Variants in REXO1 observed in about 807,000 individuals in gnomAD.
The protein encoded by REXO1 is RNA exonuclease 1 homolog.
In REXO1, 42 loss-of-function variants were observed where a neutral mutation model predicts 102.6. The observed-to-expected ratio is 0.41, with a 90% CI of 0.32 to 0.53. The LOEUF is 0.53. REXO1 is among the 20% of genes least tolerant of loss of function. The pLI is 0.27. For missense variants in REXO1, 1,819 were observed against 1,732.5 expected (o/e 1.05, Z -0.89); for synonymous variants, 908 against 779.1 (o/e 1.17, Z -2.76).
At chr19:1,845,854 T>A (rs2011513270) in intron 1 of REXO1, among the ~76,000 whole-genome samples, 1 of 152,146 alleles carries the variant, frequency 6.6e-6, no homozygotes, top group South Asian at 2.1e-4. Context: ...CTGCCTGCCT[T>A]GGTGCCCTCA....
At chr19:1,841,725 G>A (rs1231400696) in intron 1 of REXO1, among the ~76,000 whole-genome samples, 10 of 151,662 alleles carry the variant, frequency 6.6e-5, no homozygotes, top group African/African-American at 1.5e-4. Flanking sequence ...TGGGGGGAGC[G>A]CTCTGGGGAG....
Position 1,818,761 on chromosome 19 carries a change from T to C in REXO1, c.2847A>G (p.Pro949=), listed in dbSNP as rs1219623287. Residue 949 remains proline, a synonymous_variant, in exon 9 of 16, where the codon CCA becomes CCG. Transcript: ENST00000170168. ...AGATGATTGCGCCCCCGGGCCGCTC[T>C]GGGTGCGGGAAGGGGTAGCCGTTCT... The part of the protein sequence containing the change: ...LKENGYPFPH[P]ERPGGAIIFT... The C allele has an allele frequency of 6.2e-7, 1 of 1,610,694 alleles. No homozygotes were observed. Among genetic ancestry groups the C allele is most frequent in the Admixed American group, 1.7e-5 (1 of 60,024 alleles).
At chr19:1,830,096 G>C (rs986228252) in intron 1 of REXO1, among the ~76,000 whole-genome samples, 1 of 152,210 alleles carries the variant, frequency 6.6e-6, no homozygotes, top group African/African-American at 2.4e-5. Flanking sequence ...GCCTCCCGTG[G>C]GGACAGGCCG....
intron 1 of REXO1, chr19:1,830,954 T>C (rs1266360183): frequency 6.5e-6 from 1 of 153,192 alleles, no homozygotes; most frequent in East Asian, 1.9e-4. Flanking sequence ...GCGTGCGCCC[T>C]GGAGGGACCT....
At chr19:1,823,544 G>A (rs748579325) in intron 4 of REXO1, 28 bp downstream of exon 4, 33 of 1,281,624 alleles carry the variant, frequency 2.6e-5, no homozygotes, top group Middle Eastern at 5.3e-4. Context: ...ACGGCCCCCC[G>A]GCACAGGCCC....
chr19:1,818,882 G>A, intron 8 of REXO1, 39 bp from the exon 9 acceptor site: 1 of 1,602,172 alleles, frequency 6.2e-7, no homozygotes, highest in Non-Finnish European at 8.5e-7. Context: ...GCCTGGGATG[G>A]CCCACGGGGC....
rs1448108583 is a variant in REXO1, at chr19:1,817,758, C to A, written c.3039G>T (p.Gln1013His). ...RNRVAGGWET[Q>H]YMCCSAAAGS... is the part of the protein sequence containing the mutation. ...CGGCGGCAGCCGAGCAGCACATGTACTGGGTCTCCCAGCCTCCGGCCACTG... is the reference window on the plus strand; with the variant it reads ...CGGCGGCAGCCGAGCAGCACATGTAATGGGTCTCCCAGCCTCCGGCCACTG... The change falls in exon 11 of 16, where the codon CAG (glutamine) becomes CAT (histidine). Residue 1013 changes from glutamine (Q) to histidine (H), a missense_variant. Physicochemically the swap from Gln to His is conservative, Grantham distance 24. Coordinates refer to ENST00000170168, the MANE Select transcript of REXO1 (RefSeq NM_020695.4). 1.9e-6 allele frequency: 3 copies of A among 1,612,322 alleles called. No homozygotes were observed. The highest frequency in any genetic ancestry group is 2.5e-6 in the Non-Finnish European group (3 of 1,179,724).
At chr19:1,846,411 G>A (rs2011543001) in intron 1 of REXO1, among the ~76,000 whole-genome samples, 1 of 152,210 alleles carries the variant, frequency 6.6e-6, no homozygotes, top group Non-Finnish European at 1.5e-5. Context: ...CCCCACCAGA[G>A]ATGGGAAAAG....
intron 1 of REXO1, among the ~76,000 whole-genome samples, chr19:1,841,458 C>T (rs1459234799): frequency 2.6e-5 from 4 of 152,212 alleles, no homozygotes; most frequent in Admixed American, 2.0e-4. Flanking sequence ...CGACGCTTCC[C>T]GTCACACTCA....
At chr19:1,831,614 G>A (rs1171290744) in intron 1 of REXO1, among the ~76,000 whole-genome samples, 6 of 151,636 alleles carry the variant, frequency 4.0e-5, no homozygotes, top group Admixed American at 2.6e-4. Flanking sequence ...AGGCTGAGGC[G>A]GGCGGATCAC....
At chr19:1,823,878 C>T (rs933145750) in intron 3 of REXO1, 93 bp from the exon 4 acceptor site, 8 of 517,498 alleles carry the variant, frequency 1.5e-5, no homozygotes, top group African/African-American at 3.9e-5. Flanking sequence ...GGCTGGAGCT[C>T]GGGGGCCGGA....
rs750082916 is a variant in REXO1, at chr19:1,818,494, G to T, written c.3004C>A (p.Arg1002Ser). 1 of 1,604,602 alleles carries T rather than the reference G, an allele frequency of 6.2e-7. No individual in the cohort carries two copies. The highest frequency in any genetic ancestry group is 2.2e-5 in the East Asian group (1 of 44,486). ...EECYYHWGRL[R>S]RNRVAGGWET... The stretch of plus-strand genomic sequence containing the variant: ...GGTAAGGCCTTACCCCGGTTCCGGC[G>T]CAGCCGTCCCCAGTGGTAATAACAC... Residue 1002 changes from arginine to serine, a missense_variant, in exon 10 of 16, where the codon CGC (arginine) becomes AGC (serine). Arg to Ser is a moderately radical substitution (Grantham distance 110). Transcript: ENST00000170168.
chr19:1,819,051 G>A lies in REXO1; in HGVS notation c.2731C>T (p.Arg911Cys), dbSNP rs780891828. 1.9e-5 allele frequency: 30 copies of A among 1,602,804 alleles called. No homozygotes were observed. Among genetic ancestry groups the A allele is most frequent in the South Asian group, 4.4e-5 (4 of 90,104 alleles). Residue 911 changes from arginine to cysteine, a missense_variant, in exon 8 of 16, where the codon CGT becomes TGT. Transcript: ENST00000170168. ...LAAKTSFSLSRPSSPRVEDLK... is the reference protein window; with the variant it reads ...LAAKTSFSLSCPSSPRVEDLK... Reference sequence around the variant, plus strand: ...TCCTCCACCCGGGGGCTGCTTGGACGGCTGAGCGAGAAGCTGGTCTTGGCG... The same window carrying A: ...TCCTCCACCCGGGGGCTGCTTGGACAGCTGAGCGAGAAGCTGGTCTTGGCG...
intron 4 of REXO1, chr19:1,822,206 C>A (rs1042096201): frequency 1.9e-5 from 5 of 266,160 alleles, no homozygotes; most frequent in Middle Eastern, 1.0e-3. Context: ...GGCTTCTGGA[C>A]TGGGGGCTCG....
chr19:1,820,399 G>A lies in REXO1; in HGVS notation c.2395-4C>T, dbSNP rs1291101344. 11 of 1,612,550 alleles carry A rather than the reference G, an allele frequency of 6.8e-6. No individual in the cohort carries two copies. The highest frequency in any genetic ancestry group is 9.3e-6 in the Non-Finnish European group (11 of 1,179,556). ...GGATAATGGGTTTCTTTAAACTCTA[G>A]AGGGAAGGCAAAAGCTGCCATGGGT... On this transcript the variant is annotated splice_polypyrimidine_tract_variant and splice_region_variant and intron_variant, in intron 5 of 15. Coordinates refer to ENST00000170168, the MANE Select transcript of REXO1 (RefSeq NM_020695.4).
In REXO1 at chr19:1,848,299, G is replaced by A. The variant is rs975860532; in HGVS notation, c.60C>T (p.Pro20=). The A allele has an allele frequency of 2.7e-4, 334 of 1,231,548 alleles. No homozygotes were observed. Among genetic ancestry groups the A allele is most frequent in the Admixed American group, 6.0e-4 (14 of 23,242 alleles). 76.3% of individuals were successfully genotyped at this position (1,231,548 alleles called of 1,614,324 possible). ...AGTAGGGCCGCCGGCAGGGCCCCCC[G>A]GGCGCCCCAGACCAATAGGGGCAGT... ...AIDCPYWSGA[P]GGPCRRPYCH... Residue 20 remains proline, a synonymous_variant, in exon 1 of 16, where the codon CCC becomes CCT. Transcript: ENST00000170168.
intron 8 of REXO1, 63 bp from the exon 9 acceptor site, chr19:1,818,906 G>A (rs1044294974): frequency 3.7e-5 from 58 of 1,587,924 alleles, no homozygotes; most frequent in African/African-American, 1.2e-4. Flanking sequence ...AGACACCACC[G>A]GGAAAGGCGG....
intron 1 of REXO1, among the ~76,000 whole-genome samples, chr19:1,845,361 C>G (rs1362869715): frequency 6.6e-6 from 1 of 152,182 alleles, no homozygotes; most frequent in Non-Finnish European, 1.5e-5. Flanking sequence ...GCAGGTCCAG[C>G]CGGCTCTGAA....
intron 8 of REXO1, 84 bp from the exon 9 acceptor site, chr19:1,818,927 A>AG (rs1491403164): frequency 8.2e-6 from 13 of 1,578,628 alleles, no homozygotes; most frequent in Non-Finnish European, 1.1e-5. Context: ...CTGGGCCGGC[A>AG]GGGGCCCACG....
Sources: allele counts gnomAD v4.1 joint callset (sites outside exome capture counted in the v4.1 genomes callset), GRCh38; gene constraint gnomAD v4.1.1; transcripts MANE v1.5; gene names NCBI Gene and HGNC (gene_info 2026-07-23, HGNC 2026-07-21).